The following PBX3 variants were observed in gnomAD, a reference collection of about 807,000 sequenced individuals.
PBX3 encodes pre-B-cell leukemia transcription factor 3.
PBX3 carries 14 observed loss-of-function variants against 48.5 expected under a neutral mutation model. That is an observed-to-expected ratio of 0.29 (90% CI 0.19 to 0.45). The LOEUF (loss-of-function observed/expected upper bound fraction) is 0.45, where lower values mean the gene tolerates loss of function less well. PBX3 is among the 20% of genes least tolerant of loss of function. PBX3 has a pLI of 1.00. For missense variants in PBX3, 386 were observed against 546.7 expected, an observed-to-expected ratio of 0.71 and a Z score of 2.93; for synonymous variants, 210 against 200.3, an observed-to-expected ratio of 1.05 and a Z score of -0.41.
intron 3 of PBX3, among the ~76,000 whole-genome samples, chr9:125,919,909 A>G (rs1841420962): frequency 6.6e-6 from 1 of 152,208 alleles, no homozygotes; most frequent in Non-Finnish European, 1.5e-5. Context: ...TGTTTTAGAG[A>G]TGGTATTGTC....
intron 2 of PBX3, among the ~76,000 whole-genome samples, chr9:125,804,917 A>AGATCAGGCTGGGATCAT (rs879326095): frequency 6.8e-6 from 1 of 147,048 alleles, no homozygotes; most frequent in Non-Finnish European, 1.5e-5. Flanking sequence ...ACTGCACTCC[A>AGATCAGGCTGGGATCAT]GCCTGGGTGA....
At chr9:125,825,416 A>C (rs1009514674) in intron 2 of PBX3, among the ~76,000 whole-genome samples, 26 of 152,160 alleles carry the variant, frequency 1.7e-4, no homozygotes, top group African/African-American at 6.0e-4. Flanking sequence ...CGTTAGCATA[A>C]GTATCATTTT....
chr9:125,859,628 A>G (rs1042119863), intron 2 of PBX3, among the ~76,000 whole-genome samples: 1 of 152,210 alleles, frequency 6.6e-6, no homozygotes, highest in Non-Finnish European at 1.5e-5. Flanking sequence ...GGAGCTTTGT[A>G]ATTTCAAAAC....
chr9:125,896,692 A>G (rs2132404175), intron 2 of PBX3, among the ~76,000 whole-genome samples: 1 of 152,180 alleles, frequency 6.6e-6, no homozygotes, highest in South Asian at 2.1e-4. Flanking sequence ...CATCACACTC[A>G]TTAACCTGCA....
chr9:125,870,403 A>G (rs1470398413), intron 2 of PBX3, among the ~76,000 whole-genome samples: 1 of 152,148 alleles, frequency 6.6e-6, no homozygotes, highest in African/African-American at 2.4e-5. Flanking sequence ...AGACGAGAGA[A>G]TTTGTGGAAG....
At chr9:125,964,671 G>A (rs931275369) in intron 8 of PBX3, among the ~76,000 whole-genome samples, 27 of 152,154 alleles carry the variant, frequency 1.8e-4, no homozygotes, top group African/African-American at 5.8e-4. Context: ...ACTCTGCAGT[G>A]AATTAGAAGA....
intron 2 of PBX3, among the ~76,000 whole-genome samples, chr9:125,793,860 T>G (rs1296463986): frequency 2.6e-5 from 4 of 152,130 alleles, no homozygotes; most frequent in Non-Finnish European, 5.9e-5. Flanking sequence ...ATTAAATATA[T>G]ATAAAATAAA....
chr9:125,961,540 G>T (rs872524), intron 6 of PBX3, among the ~76,000 whole-genome samples: 95,925 of 152,106 alleles, frequency 0.63, 31,780 homozygotes, highest in East Asian at 0.77. Flanking sequence ...TTCCAGGGGC[G>T]TTTCTGAGAA....
intron 2 of PBX3, among the ~76,000 whole-genome samples, chr9:125,783,805 G>A (rs71481310): frequency 6.6e-6 from 1 of 151,768 alleles, no homozygotes; most frequent in Non-Finnish European, 1.5e-5. Context: ...TCGAGACCAG[G>A]CTGGCCAACA....
At chr9:125,858,886 A>C (rs957481034) in intron 2 of PBX3, among the ~76,000 whole-genome samples, 1 of 152,216 alleles carries the variant, frequency 6.6e-6, no homozygotes, top group Non-Finnish European at 1.5e-5. Flanking sequence ...TTTGCCTTGC[A>C]AAGTGCTAGG....
At chr9:125,900,233 G>A (rs968127493) in intron 2 of PBX3, among the ~76,000 whole-genome samples, 3 of 37,206 alleles carry the variant, frequency 8.1e-5, no homozygotes, top group Non-Finnish European at 1.3e-4. Flanking sequence ...CCCACATCCC[G>A]CCCTTTTTTT....
intron 2 of PBX3, among the ~76,000 whole-genome samples, chr9:125,827,763 T>C (rs1177689453): frequency 6.6e-6 from 1 of 152,168 alleles, no homozygotes; most frequent in African/African-American, 2.4e-5. Flanking sequence ...GAAATTTTGG[T>C]ATTATAAACA....
chr9:125,763,286 C>T (rs1836718212), intron 2 of PBX3, among the ~76,000 whole-genome samples: 1 of 152,146 alleles, frequency 6.6e-6, no homozygotes, highest in African/African-American at 2.4e-5. Flanking sequence ...GTAATAATAG[C>T]ATTAATCTTT....
chr9:125,870,151 C>A (rs116732794), intron 2 of PBX3, among the ~76,000 whole-genome samples: 1 of 151,022 alleles, frequency 6.6e-6, no homozygotes, highest in Admixed American at 6.6e-5. Flanking sequence ...TCCCTGCAAC[C>A]TCTGTCTCAT....
intron 2 of PBX3, among the ~76,000 whole-genome samples, chr9:125,749,753 A>G (rs577567517): frequency 1.2e-4 from 18 of 152,292 alleles, no homozygotes; most frequent in Non-Finnish European, 2.5e-4. Context: ...TTAGGTTGAT[A>G]GGCGAGTCAG....
rs1362610514 is a variant in PBX3, at chr9:125,899,452, TATAGAGAG to T, written c.275-16232_275-16225del. On this transcript the variant is annotated intron_variant, in intron 2 of 8. Transcript: ENST00000373489. ...CTATATATATGTGTGTATATATATA[TATAGAGAG>T]AGAGAGAGAGAGAGAGAGAGAGAGA... 4.8e-3 allele frequency among the ~76,000 whole-genome samples: 428 copies of T among 89,076 alleles called. 27 individuals are homozygous for T. Among genetic ancestry groups the T allele is most frequent in the African/African-American group, 0.016 (399 of 24,306 alleles). The allele number at this position is 89,076 out of a possible 152,430, so 58.4% of individuals were successfully genotyped here.
At chr9:125,867,734 T>C (rs1840020101) in intron 2 of PBX3, among the ~76,000 whole-genome samples, 1 of 150,150 alleles carries the variant, frequency 6.7e-6, no homozygotes, top group African/African-American at 2.5e-5. Context: ...ATGATTGTCT[T>C]TCTGTCTCTC....
chr9:125,927,618 A>G (rs1841607688), intron 3 of PBX3, among the ~76,000 whole-genome samples: 3 of 152,192 alleles, frequency 2.0e-5, no homozygotes, highest in Admixed American at 2.0e-4. Flanking sequence ...AGAATTTCCC[A>G]TCCTGCATTT....
chr9:125,895,147 AC>A (rs926052695), intron 2 of PBX3, among the ~76,000 whole-genome samples: 1 of 152,076 alleles, frequency 6.6e-6, no homozygotes, highest in Admixed American at 6.6e-5. Flanking sequence ...TTATACATCC[AC>A]CTAGATTTGG....
Sources: allele counts gnomAD v4.1 joint callset (sites outside exome capture counted in the v4.1 genomes callset), GRCh38; gene constraint gnomAD v4.1.1; transcripts MANE v1.5; gene names NCBI Gene and HGNC (gene_info 2026-07-23, HGNC 2026-07-21).